TTC39C: variants seen among roughly 807,000 people sequenced by gnomAD.
TTC39C encodes the protein tetratricopeptide repeat domain 39C.
TTC39C carries 33 observed loss-of-function variants against 76.3 expected under a neutral mutation model. The observed-to-expected ratio is 0.43, with a 90% CI of 0.33 to 0.58. The LOEUF (loss-of-function observed/expected upper bound fraction) is 0.58. TTC39C is among the 20% of genes least tolerant of loss of function. The pLI is 0.04. For synonymous variants in TTC39C, 254 were observed against 260.6 expected (o/e 0.97, Z 0.24); for missense variants, 595 against 701.4 (o/e 0.85, Z 1.71).
At chr18:24,026,885 G>A (rs911071062) in intron 1 of TTC39C, among the ~76,000 whole-genome samples, 2 of 152,150 alleles carry the variant, frequency 1.3e-5, no homozygotes, top group African/African-American at 4.8e-5. Context: ...ATATCATTCT[G>A]TCTCTCTTGC....
intron 1 of TTC39C, among the ~76,000 whole-genome samples, chr18:24,035,181 C>T (rs953127129): frequency 4.6e-5 from 7 of 152,130 alleles, no homozygotes; most frequent in African/African-American, 1.7e-4. Flanking sequence ...ACTAGGACTA[C>T]ATTCACGTGC....
rs946257962 is a variant in TTC39C at position 24,098,316 on chromosome 18, G to A, written c.984+15235G>A. Among the ~76,000 whole-genome samples, 56 of 151,792 alleles carry A rather than the reference G, an allele frequency of 3.7e-4. No homozygotes were observed. In the Middle Eastern group the frequency reaches 0.014, roughly 37 times the overall value. On this transcript the variant is annotated intron_variant, in intron 6 of 13. Coordinates refer to ENST00000317571, the MANE Select transcript of TTC39C (RefSeq NM_001135993.2). Reference sequence around the variant, plus strand: ...GATGAGATAAGTACTTTGTGAAAGTGTACATAGTTATTTTAGGATTAAGGA... The same window carrying A: ...GATGAGATAAGTACTTTGTGAAAGTATACATAGTTATTTTAGGATTAAGGA...
chr18:24,111,711 G>A (rs865825581), intron 6 of TTC39C, among the ~76,000 whole-genome samples: 1 of 151,950 alleles, frequency 6.6e-6, no homozygotes, highest in Non-Finnish European at 1.5e-5. Flanking sequence ...CATGGGCAGT[G>A]TAGTGAGACC....
intron 1 of TTC39C, among the ~76,000 whole-genome samples, chr18:24,056,689 A>G (rs2084020679): frequency 6.6e-6 from 1 of 152,204 alleles, no homozygotes; most frequent in Non-Finnish European, 1.5e-5. Context: ...CATTCACAAC[A>G]GGTTTCTACC....
At chr18:24,101,305 T>TAAAAAAA (rs35978012) in intron 6 of TTC39C, among the ~76,000 whole-genome samples, 5 of 139,462 alleles carry the variant, frequency 3.6e-5, no homozygotes, top group Admixed American at 7.1e-5. Flanking sequence ...TAATTTTTCA[T>TAAAAAAA]AAAAAAAAAA....
At chr18:24,080,498 T>G (rs535250724) in intron 4 of TTC39C, 87 bp from the exon 5 acceptor site, 4 of 1,052,614 alleles carry the variant, frequency 3.8e-6, no homozygotes, top group East Asian at 5.2e-5. Context: ...TGGCTTGATT[T>G]TCAGGTTACT....
rs560806150 is a variant in TTC39C, at chr18:24,059,707, G to GT, written c.168-4427dup. On this transcript the variant is annotated intron_variant, in intron 1 of 13. Transcript: ENST00000317571. ...GCATGTGTCTTTAGAACAATTTATAGTTTTTTGGGTATATACCCAGTAACA... is the reference window on the plus strand; with the variant it reads ...GCATGTGTCTTTAGAACAATTTATAGTTTTTTTGGGTATATACCCAGTAACA... Among the ~76,000 whole-genome samples the GT allele has an allele frequency of 1.4e-4, 21 of 152,276 alleles. No homozygotes were observed. In the South Asian group the frequency reaches 4.4e-3, roughly 32 times the overall value.
chr18:24,106,687 GTTGTT>G, intron 6 of TTC39C, among the ~76,000 whole-genome samples: 1 of 152,194 alleles, frequency 6.6e-6, no homozygotes, highest in Admixed American at 6.5e-5. Context: ...ACAGCCATGG[GTTGTT>G]TTGTTTTGTT....
At chr18:24,095,621 C>T (rs748191515) in intron 6 of TTC39C, among the ~76,000 whole-genome samples, 1 of 152,160 alleles carries the variant, frequency 6.6e-6, no homozygotes, top group Admixed American at 6.6e-5. Context: ...ATTGATAGAA[C>T]CTGGGAGGCA....
intron 4 of TTC39C, among the ~76,000 whole-genome samples, chr18:24,079,078 A>G (rs891923092): frequency 1.3e-5 from 2 of 152,120 alleles, no homozygotes; most frequent in African/African-American, 2.4e-5. Context: ...CTCTTTTCCT[A>G]CTGTTCTAAA....
chr18:24,125,293 T>C, intron 9 of TTC39C, 134 bp from the exon 10 acceptor site: 1 of 1,157,026 alleles, frequency 8.6e-7, no homozygotes, highest in East Asian at 2.6e-5. Context: ...GAGAGAAGAA[T>C]TGTTATTCTT....
At chr18:24,061,290 G>A (rs983992862) in intron 1 of TTC39C, among the ~76,000 whole-genome samples, 2 of 149,158 alleles carry the variant, frequency 1.3e-5, no homozygotes, top group Admixed American at 6.7e-5. Context: ...CATTTTTTGT[G>A]TATCTTTTGG....
chr18:23,998,359 C>T (rs1306921677), intron 1 of TTC39C, among the ~76,000 whole-genome samples: 2 of 152,206 alleles, frequency 1.3e-5, no homozygotes, highest in African/African-American at 2.4e-5. Flanking sequence ...TGCAGTGGCT[C>T]ACGCCTGTAA....
chr18:24,069,547 T>C (rs1179713745), intron 4 of TTC39C, among the ~76,000 whole-genome samples: 1 of 152,202 alleles, frequency 6.6e-6, no homozygotes, highest in Non-Finnish European at 1.5e-5. Flanking sequence ...TATGTAGATG[T>C]ATAATAGTTT....
chr18:24,134,990 A>C lies in TTC39C; in HGVS notation c.*2416A>C, dbSNP rs2085183133. ...CTAGTCAAAGTGTAGGTCTTTTTAA[A>C]ATTTTTAATCTTTATTTTTATTTTT... On this transcript the variant is annotated 3_prime_UTR_variant, in exon 14 of 14. Transcript: ENST00000317571. 6.6e-6 allele frequency: 1 copy of C among 151,158 alleles called. No homozygotes were observed. The allele number at this position is 151,158 out of a possible 1,614,324, so 9.4% of individuals were successfully genotyped here. A position where few individuals can be genotyped will look rare whatever the true frequency, so the allele number is the denominator to read the frequency against.
intron 1 of TTC39C, among the ~76,000 whole-genome samples, chr18:24,041,088 A>G (rs1195324168): frequency 1.3e-5 from 2 of 152,208 alleles, no homozygotes; most frequent in African/African-American, 4.8e-5. Flanking sequence ...CTAGAAAGAG[A>G]TGAATGGAAG....
At chr18:24,112,694 G>A (rs547592103) in intron 6 of TTC39C, among the ~76,000 whole-genome samples, 23 of 152,284 alleles carry the variant, frequency 1.5e-4, no homozygotes, top group East Asian at 1.2e-3. Context: ...GGGGACACGG[G>A]GGGGAACAGC....
chr18:24,005,011 C>T (rs1247259416), intron 1 of TTC39C, among the ~76,000 whole-genome samples: 1 of 152,166 alleles, frequency 6.6e-6, no homozygotes, highest in East Asian at 1.9e-4. Context: ...AAAATGCCTT[C>T]TAACTAAGGA....
In TTC39C at chr18:24,128,918, G is replaced by T; in HGVS notation, c.1453G>T (p.Gly485Ter). 1 of 1,613,338 alleles carries T rather than the reference G, an allele frequency of 6.2e-7. No homozygotes were observed. The highest frequency in any genetic ancestry group is 1.1e-5 in the South Asian group (1 of 91,014). Reference protein sequence around the residue: ...CHEVDDSSVVGLKYLLLGAIH... With the variant: ...CHEVDDSSVV ...TGAAGTGGATGACTCATCTGTTGTT[G>T]GATTAAAGTATTTGCTTCTTGGTGC... Residue 485 changes from glycine to a stop codon, truncating the protein, a stop_gained, in exon 11 of 14, where the codon GGA becomes TGA. Coordinates refer to ENST00000317571, the MANE Select transcript of TTC39C (RefSeq NM_001135993.2). LOFTEE classifies it high-confidence loss of function.
Sources: gnomAD v4.1 joint callset for allele counts (sites outside exome capture counted in the v4.1 genomes callset) on GRCh38, gnomAD v4.1.1 for gene constraint, MANE v1.5 for transcripts, NCBI Gene and HGNC (gene_info 2026-07-23, HGNC 2026-07-21) for gene names.